The following ITCH variants were observed in gnomAD, a reference collection of about 807,000 sequenced individuals.
ITCH encodes the protein E3 ubiquitin-protein ligase Itchy homolog.
Under a neutral mutation model 126.8 loss-of-function variants are expected in ITCH, and 28 were observed. The ratio of observed to expected loss-of-function variants is 0.22; its 90% CI spans 0.16 to 0.30. ITCH has a LOEUF of 0.30. Among genes scored for constraint, ITCH ranks in the 10% least tolerant of loss-of-function variants. ITCH has a pLI of 1.00. For synonymous variants in ITCH, 342 were observed against 340.0 expected (o/e 1.01, Z -0.06); for missense variants, 631 against 1,032.4 (o/e 0.61, Z 5.33).
intron 14 of ITCH, among the ~76,000 whole-genome samples, chr20:34,467,678 A>ATTTTTTTTT (rs147009659): frequency 2.0e-5 from 2 of 98,054 alleles, no homozygotes; most frequent in Non-Finnish European, 4.0e-5. Context: ...TTTCTTTTTC[A>ATTTTTTTTT]TTTTTTTTTT....
intron 6 of ITCH, among the ~76,000 whole-genome samples, chr20:34,418,675 C>A (rs143305798): frequency 6.6e-6 from 1 of 151,292 alleles, no homozygotes; most frequent in Admixed American, 6.6e-5. Flanking sequence ...TTTGAACATA[C>A]GTCTATGTAT....
At chr20:34,457,144 G>T (rs1260619525) in intron 12 of ITCH, among the ~76,000 whole-genome samples, 1 of 152,074 alleles carries the variant, frequency 6.6e-6, no homozygotes, top group Admixed American at 6.6e-5. Flanking sequence ...TGAGTAGAAA[G>T]GTCCTATGGT....
rs1170286039 is a variant in ITCH at position 34,405,141 on chromosome 20, C to CAAA, written c.71-3489_71-3487dup. 1.7e-3 allele frequency among the ~76,000 whole-genome samples: 97 copies of CAAA among 57,828 alleles called. 2 individuals carry two copies. The highest frequency in any genetic ancestry group is 9.3e-3 in the South Asian group (11 of 1,182). 37.9% of individuals were successfully genotyped at this position (57,828 alleles called of 152,430 possible). ...TGGGTGACAGAACCAGACCCTGTCT[C>CAAA]AAAAAAAAAAAAAAAAAAAAAAAGG... is the stretch of plus-strand genomic sequence containing the variant. On this transcript the variant is annotated intron_variant, in intron 3 of 24. Coordinates refer to ENST00000374864, the MANE Select transcript of ITCH (RefSeq NM_031483.7).
chr20:34,496,735 G>A (rs1445487653), intron 23 of ITCH, among the ~76,000 whole-genome samples: 7 of 150,770 alleles, frequency 4.6e-5, no homozygotes, highest in African/African-American at 9.8e-5. Flanking sequence ...CCCAGGAGGC[G>A]GAGGTTGAGG....
At chr20:34,475,457 G>T (rs192428013) in intron 16 of ITCH, among the ~76,000 whole-genome samples, 7 of 152,208 alleles carry the variant, frequency 4.6e-5, no homozygotes, top group African/African-American at 1.7e-4. Context: ...GCTGGAGACC[G>T]GCCCGGCCAA....
chr20:34,457,051 CT>C (rs2146354826), intron 12 of ITCH, among the ~76,000 whole-genome samples: 1 of 152,208 alleles, frequency 6.6e-6, no homozygotes, highest in East Asian at 1.9e-4. Context: ...TTCACCTACC[CT>C]ATGGGACTAT....
At chr20:34,428,227 C>T (rs1981809332) in intron 7 of ITCH, among the ~76,000 whole-genome samples, 1 of 152,204 alleles carries the variant, frequency 6.6e-6, no homozygotes, top group African/African-American at 2.4e-5. Flanking sequence ...GTAGTCATAG[C>T]TGTGACTGCC....
intron 14 of ITCH, among the ~76,000 whole-genome samples, chr20:34,468,571 A>G (rs1255628144): frequency 1.3e-5 from 2 of 151,878 alleles, no homozygotes; most frequent in Non-Finnish European, 2.9e-5. Context: ...CAGGCAGATC[A>G]CTTGAGGCCA....
chr20:34,507,540 C>T (rs1990716583), intron 24 of ITCH, among the ~76,000 whole-genome samples, 155 bp from the exon 25 acceptor site: 2 of 151,600 alleles, frequency 1.3e-5, no homozygotes, highest in African/African-American at 4.8e-5. Flanking sequence ...AATATTTTTT[C>T]CCATTTTTGG....
chr20:34,391,459 G>A (rs1336499973), intron 2 of ITCH, among the ~76,000 whole-genome samples: 1 of 152,096 alleles, frequency 6.6e-6, no homozygotes, highest in Non-Finnish European at 1.5e-5. Context: ...CAGCTTTAAA[G>A]ATGTTCTTGG....
At chr20:34,471,360 A>C in intron 15 of ITCH, 84 bp from the exon 16 acceptor site, 1 of 790,750 alleles carries the variant, frequency 1.3e-6, no homozygotes, top group Non-Finnish European at 2.3e-6. Context: ...GGAAAGATAA[A>C]AGTAAATAAA....
At chr20:34,407,333 C>G (rs2039094764) in intron 3 of ITCH, among the ~76,000 whole-genome samples, 1 of 152,160 alleles carries the variant, frequency 6.6e-6, no homozygotes, top group African/African-American at 2.4e-5. Context: ...GTGGCATAAT[C>G]TCGGCTCACT....
At chr20:34,424,017 C>T (rs1981146929) in intron 6 of ITCH, among the ~76,000 whole-genome samples, 1 of 152,010 alleles carries the variant, frequency 6.6e-6, no homozygotes, top group East Asian at 1.9e-4. Context: ...ACTTGGATTC[C>T]CATTTGTGGC....
intron 6 of ITCH, among the ~76,000 whole-genome samples, chr20:34,416,398 CAAAAG>C (rs1247191371): frequency 1.3e-5 from 2 of 152,024 alleles, no homozygotes; most frequent in East Asian, 1.9e-4. Flanking sequence ...AACTGGGTCT[CAAAAG>C]AAAGAAAAGA....
chr20:34,499,543 C>T (rs1990116970), intron 23 of ITCH, among the ~76,000 whole-genome samples: 1 of 150,538 alleles, frequency 6.6e-6, no homozygotes, highest in Non-Finnish European at 1.5e-5. Context: ...TGTAATGTCT[C>T]CCTTTTCGTT....
At chr20:34,496,269 T>C (rs958573560) in intron 23 of ITCH, among the ~76,000 whole-genome samples, 2 of 152,206 alleles carry the variant, frequency 1.3e-5, no homozygotes, top group Non-Finnish European at 2.9e-5. Context: ...TTGAGAGATA[T>C]CTATTTAGCT....
At chr20:34,373,619 A>C (rs897091388) in intron 2 of ITCH, among the ~76,000 whole-genome samples, 1 of 152,134 alleles carries the variant, frequency 6.6e-6, no homozygotes, top group South Asian at 2.1e-4. Flanking sequence ...GCAGGGACTT[A>C]TGGTGAAAAA....
Position 34,492,521 on chromosome 20 carries a change from T to TG in ITCH, c.2341dup (p.Glu781GlyfsTer23). ...AACAGTTTGTTAAAGAAATTGATAATGAGAAGAGAATGAGACTTCTGCAGT... is the reference window on the plus strand; with the variant it reads ...AACAGTTTGTTAAAGAAATTGATAATGGAGAAGAGAATGAGACTTCTGCAGT... On this transcript the variant is annotated frameshift_variant, in exon 23 of 25. Coordinates refer to ENST00000374864, the MANE Select transcript of ITCH (RefSeq NM_031483.7). LOFTEE classifies it high-confidence loss of function. The TG allele has an allele frequency of 6.2e-7, 1 of 1,608,246 alleles. No individual in the cohort carries two copies. Among genetic ancestry groups the TG allele is most frequent in the Non-Finnish European group, 8.5e-7 (1 of 1,174,638 alleles).
intron 23 of ITCH, among the ~76,000 whole-genome samples, chr20:34,496,010 A>G (rs1369091137): frequency 6.6e-6 from 1 of 151,836 alleles, no homozygotes; most frequent in African/African-American, 2.4e-5. Flanking sequence ...AGGCACAACA[A>G]TTGCTTGAAA....
Sources: allele counts gnomAD v4.1 joint callset (sites outside exome capture counted in the v4.1 genomes callset), GRCh38; gene constraint gnomAD v4.1.1; transcripts MANE v1.5; gene names NCBI Gene and HGNC (gene_info 2026-07-23, HGNC 2026-07-21).